CNTLN: variants seen among roughly 807,000 people sequenced by gnomAD.
The protein encoded by CNTLN is centlein, centrosomal protein.
Under a neutral mutation model 180.0 loss-of-function variants are expected in CNTLN, and 212 were observed. The ratio of observed to expected loss-of-function variants is 1.18; its 90% CI spans 1.05 to 1.32. CNTLN has a LOEUF of 1.32. Ranked by LOEUF, CNTLN falls within the 40% of genes most tolerant of loss-of-function variation. The pLI, the probability that CNTLN is intolerant of heterozygous loss-of-function variation, is 0.00. For missense variants in CNTLN, 2,095 were observed against 1,610.9 expected (o/e 1.30, Z -5.14); for synonymous variants, 722 against 563.1 (o/e 1.28, Z -3.99).
chr9:17,151,129 AC>A (rs878856658), intron 2 of CNTLN, among the ~76,000 whole-genome samples: 2 of 152,080 alleles, frequency 1.3e-5, no homozygotes, highest in Non-Finnish European at 2.9e-5. Flanking sequence ...CTATTTGGAT[AC>A]CCTTTATTGC....
chr9:17,427,437 C>T (rs1000527594), intron 18 of CNTLN, among the ~76,000 whole-genome samples: 1 of 151,984 alleles, frequency 6.6e-6, no homozygotes, highest in African/African-American at 2.4e-5. Flanking sequence ...TATTTCCTGT[C>T]AAATATGATA....
intron 12 of CNTLN, among the ~76,000 whole-genome samples, chr9:17,354,638 T>G (rs1446243830): frequency 1.3e-5 from 2 of 151,950 alleles, no homozygotes; most frequent in Admixed American, 1.3e-4. Context: ...GGAGAACCTT[T>G]GTATCTAGCT....
chr9:17,488,352 A>G (rs1832989720), intron 25 of CNTLN, among the ~76,000 whole-genome samples: 1 of 152,142 alleles, frequency 6.6e-6, no homozygotes, highest in Non-Finnish European at 1.5e-5. Context: ...TTTCTTAATC[A>G]TGTGGTACTC....
chr9:17,155,248 A>G (rs1303882477), intron 2 of CNTLN, among the ~76,000 whole-genome samples: 1 of 152,224 alleles, frequency 6.6e-6, no homozygotes, highest in Non-Finnish European at 1.5e-5. Context: ...AGCGAGACCA[A>G]GAACCCACTA....
In CNTLN at chr9:17,385,047, G is replaced by C. The variant is rs150086755; in HGVS notation, c.1988-3115G>C. ...GGGGGTTCCCAGGAGCCCTTCCTCA[G>C]ATTAGTTAATTTGCTAGAATGGCTC... On this transcript the variant is annotated intron_variant, in intron 13 of 25. Coordinates refer to ENST00000380647, the MANE Select transcript of CNTLN (RefSeq NM_017738.4). Among the ~76,000 whole-genome samples, 166 of 152,246 alleles carry C rather than the reference G, an allele frequency of 1.1e-3. 1 individual carries two copies. The highest frequency in any genetic ancestry group is 1.5e-3 in the Non-Finnish European group (105 of 68,006).
chr9:17,402,558 A>T (rs992867103), intron 15 of CNTLN, among the ~76,000 whole-genome samples: 1 of 151,860 alleles, frequency 6.6e-6, no homozygotes, highest in African/African-American at 2.4e-5. Flanking sequence ...TGAGATTAAC[A>T]TTTAAATCAG....
intron 18 of CNTLN, among the ~76,000 whole-genome samples, chr9:17,437,817 A>ATG (rs1027137508): frequency 3.9e-5 from 6 of 152,108 alleles, no homozygotes; most frequent in East Asian, 3.9e-4. Context: ...ATATATGTAT[A>ATG]TGTGTGTGTG....
At position 17,332,626 on chromosome 9, in the gene CNTLN, A is replaced by T; in HGVS notation, c.1540A>T (p.Arg514Trp). ...CGAGGAACCACCTGTGAAACGTTCA[A>T]GGTCTTTGTCCCCAAAGAGCTCTTT... The part of the protein sequence containing the change: ...KHKEPPVKRS[R>W]SLSPKSSFTD... The change falls in exon 10 of 26, where the codon AGG becomes TGG. Residue 514 changes from arginine to tryptophan, a missense_variant. Coordinates refer to ENST00000380647, the MANE Select transcript of CNTLN (RefSeq NM_017738.4). 1.2e-6 allele frequency: 2 copies of T among 1,608,284 alleles called. No homozygotes were observed. Among genetic ancestry groups the T allele is most frequent in the Admixed American group, 1.7e-5 (1 of 59,178 alleles).
At chr9:17,223,342 TC>T (rs776069486) in intron 2 of CNTLN, among the ~76,000 whole-genome samples, 3 of 152,138 alleles carry the variant, frequency 2.0e-5, no homozygotes, top group South Asian at 2.1e-4. Flanking sequence ...AAGTTGTATC[TC>T]CAGCCTTAAC....
At position 17,330,745 on chromosome 9, in the gene CNTLN, C is replaced by T; in HGVS notation, c.1455C>T (p.Asn485=). Residue 485 remains asparagine, a synonymous_variant, in exon 9 of 26, where the codon AAC becomes AAT. Coordinates refer to ENST00000380647, the MANE Select transcript of CNTLN (RefSeq NM_017738.4). ...LKIANEKLSE[N]ISANKGFSRK... ...TAGCAAATGAAAAACTGTCAGAAAA[C>T]ATATCTGCCAACAAGGGTTTCTCCC... is the stretch of plus-strand genomic sequence containing the variant. The T allele has an allele frequency of 2.5e-6, 4 of 1,610,914 alleles. No homozygotes were observed. Among genetic ancestry groups the T allele is most frequent in the Non-Finnish European group, 3.4e-6 (4 of 1,178,230 alleles).
At chr9:17,488,993 A>G (rs139265872) in intron 25 of CNTLN, among the ~76,000 whole-genome samples, 3 of 152,014 alleles carry the variant, frequency 2.0e-5, no homozygotes, top group African/African-American at 7.2e-5. Flanking sequence ...AAAGTCAAAG[A>G]CTTTTTATTT....
chr9:17,433,656 C>T (rs994252256), intron 18 of CNTLN, among the ~76,000 whole-genome samples: 4 of 151,924 alleles, frequency 2.6e-5, no homozygotes, highest in African/African-American at 7.3e-5. Context: ...GAGACAGGGT[C>T]TTTCTCTGTT....
intron 18 of CNTLN, among the ~76,000 whole-genome samples, chr9:17,432,410 A>G (rs1232928382): frequency 6.6e-6 from 1 of 152,198 alleles, no homozygotes; most frequent in Non-Finnish European, 1.5e-5. Context: ...GAAGAGCTTC[A>G]GAATTAGTTA....
At chr9:17,224,188 T>G (rs762912897) in intron 2 of CNTLN, among the ~76,000 whole-genome samples, 2 of 152,058 alleles carry the variant, frequency 1.3e-5, no homozygotes, top group African/African-American at 2.4e-5. Flanking sequence ...CAATTTGACA[T>G]ACTATGTATT....
chr9:17,437,506 G>C (rs143797105), intron 18 of CNTLN, among the ~76,000 whole-genome samples: 11 of 152,046 alleles, frequency 7.2e-5, no homozygotes, highest in African/African-American at 4.8e-5. Flanking sequence ...TTTCAGATAG[G>C]TGTGTCTCAT....
chr9:17,163,172 G>A (rs530775216), intron 2 of CNTLN, among the ~76,000 whole-genome samples: 16 of 152,214 alleles, frequency 1.1e-4, no homozygotes, highest in African/African-American at 2.2e-4. Context: ...TAAGAATGGG[G>A]TTGAGGGGCT....
At chr9:17,490,017 C>A (rs1833071100) in intron 25 of CNTLN, among the ~76,000 whole-genome samples, 1 of 152,074 alleles carries the variant, frequency 6.6e-6, no homozygotes, top group South Asian at 2.1e-4. Flanking sequence ...GACAAAGAAG[C>A]AAATTGATAA....
At chr9:17,247,559 G>A (rs1295587982) in intron 5 of CNTLN, among the ~76,000 whole-genome samples, 2 of 152,154 alleles carry the variant, frequency 1.3e-5, no homozygotes, top group Admixed American at 6.5e-5. Context: ...CTTCTTCAGT[G>A]CCTCTTTCTT....
At chr9:17,328,613 G>A (rs531183069) in intron 8 of CNTLN, among the ~76,000 whole-genome samples, 8 of 152,264 alleles carry the variant, frequency 5.3e-5, no homozygotes, top group African/African-American at 1.7e-4. Flanking sequence ...TAAAAGGCAA[G>A]AGAGAGACAA....
Sources: allele counts gnomAD v4.1 joint callset (sites outside exome capture counted in the v4.1 genomes callset), GRCh38; gene constraint gnomAD v4.1.1; transcripts MANE v1.5; gene names NCBI Gene and HGNC (gene_info 2026-07-23, HGNC 2026-07-21).